HERC4: variants seen among roughly 807,000 people sequenced by gnomAD.
HERC4 encodes the protein probable E3 ubiquitin-protein ligase HERC4.
HERC4 carries 28 observed loss-of-function variants against 124.3 expected under a neutral mutation model. That is an observed-to-expected ratio of 0.23 (90% CI 0.17 to 0.31). The LOEUF is 0.31. Ranked by LOEUF, HERC4 falls within the 10% of genes least tolerant of loss-of-function variation. The pLI is 1.00. For synonymous variants in HERC4, 407 were observed against 421.5 expected, an observed-to-expected ratio of 0.97 and a Z score of 0.42; for missense variants, 713 against 1,229.3, an observed-to-expected ratio of 0.58 and a Z score of 6.28.
intron 23 of HERC4, among the ~76,000 whole-genome samples, chr10:67,926,579 A>G (rs2031001404): frequency 6.6e-6 from 1 of 152,174 alleles, no homozygotes; most frequent in Non-Finnish European, 1.5e-5. Context: ...CCCTCAGCCT[A>G]CACCACTCAG....
chr10:68,057,257 T>TA (rs1286389629), intron 3 of HERC4, among the ~76,000 whole-genome samples: 2 of 151,946 alleles, frequency 1.3e-5, no homozygotes, highest in African/African-American at 4.8e-5. Context: ...AAATGCAAAA[T>TA]AAGAGTACAG....
chr10:67,950,202 T>C (rs1322143966), intron 19 of HERC4, among the ~76,000 whole-genome samples: 2 of 152,084 alleles, frequency 1.3e-5, no homozygotes, highest in Admixed American at 6.6e-5. Flanking sequence ...ATACCTTCTC[T>C]GAGAGGGTGG....
At chr10:68,023,535 T>C (rs1419721498) in intron 8 of HERC4, among the ~76,000 whole-genome samples, 1 of 152,130 alleles carries the variant, frequency 6.6e-6, no homozygotes, top group Non-Finnish European at 1.5e-5. Context: ...AGAATGGTGG[T>C]TGCCACAAGA....
At position 67,954,826 on chromosome 10, in the gene HERC4, T is replaced by C. The variant is rs2034035715; in HGVS notation, c.2194-88A>G. On this transcript the variant is annotated intron_variant, in intron 18 of 24. Transcript: ENST00000373700. ...CCTAGAACATGTTATTTATTACTAA[T>C]ACTCTACAATTAATAGTTTAAAATA... 1.4e-5 allele frequency: 17 copies of C among 1,254,884 alleles called. No homozygotes were observed. The South Asian group carries it at 2.1e-4, about 16-fold the overall frequency. The allele number at this position is 1,254,884 out of a possible 1,614,324, so 77.7% of individuals were successfully genotyped here.
intron 3 of HERC4, among the ~76,000 whole-genome samples, chr10:68,051,513 T>A (rs1364708445): frequency 6.7e-6 from 1 of 150,222 alleles, no homozygotes; most frequent in Non-Finnish European, 1.5e-5. Context: ...CCCAGCTAGT[T>A]TTTTTTTGGT....
chr10:67,991,175 G>T lies in HERC4; in HGVS notation c.1296C>A (p.Ser432=). The T allele has an allele frequency of 6.5e-7, 1 of 1,541,890 alleles. No individual in the cohort carries two copies. The highest frequency in any genetic ancestry group is 8.7e-7 in the Non-Finnish European group (1 of 1,143,766). The change falls in exon 12 of 25, where the codon TCC becomes TCA. Residue 432 remains serine (S), a synonymous_variant. Coordinates refer to ENST00000373700, the MANE Select transcript of HERC4 (RefSeq NM_015601.4). ...AAAAACTTCCATTTAGGCAACCAGA[G>T]GAAGAAAACGTTCCATCTATCTCAC... The part of the protein sequence containing the change: ...IANEIDGTFS[S]SGCLNGSFLA...
At chr10:68,059,462 A>ATTATG (rs1554830054) in intron 3 of HERC4, among the ~76,000 whole-genome samples, 1 of 132,896 alleles carries the variant, frequency 7.5e-6, no homozygotes, top group African/African-American at 2.8e-5. Context: ...ATATTATAAT[A>ATTATG]ATATTATATA....
chr10:67,955,027 A>G lies in HERC4; in HGVS notation c.2129T>C (p.Ile710Thr). The G allele has an allele frequency of 6.2e-7, 1 of 1,600,038 alleles. No homozygotes were observed. The highest frequency in any genetic ancestry group is 2.3e-5 in the East Asian group (1 of 43,626). ...AAGGACTTCCATTGCATCTCCTACA[A>G]TATTTTCTCTACGCACCACTAGAAT... ...CLILVVRREN[I>T]VGDAMEVLRK... Residue 710 changes from isoleucine (I) to threonine (T), a missense_variant, in exon 18 of 25, where the codon ATT becomes ACT. Physicochemically the swap from Ile to Thr is moderately conservative, Grantham distance 89 (BLOSUM62 -1). Transcript: ENST00000373700.
At chr10:67,938,365 T>C (rs926147149) in intron 21 of HERC4, among the ~76,000 whole-genome samples, 3 of 148,722 alleles carry the variant, frequency 2.0e-5, no homozygotes, top group Non-Finnish European at 3.0e-5. Flanking sequence ...TGCTTGAACC[T>C]GGGAGGCGGA....
intron 5 of HERC4, among the ~76,000 whole-genome samples, chr10:68,034,736 T>C (rs1379781137): frequency 6.6e-6 from 1 of 152,126 alleles, no homozygotes. Context: ...CTCTTTCCAG[T>C]GCTCCCCATT....
chr10:67,931,412 G>A (rs927488878), intron 23 of HERC4, among the ~76,000 whole-genome samples: 3 of 152,112 alleles, frequency 2.0e-5, no homozygotes, highest in African/African-American at 7.2e-5. Context: ...TTTCATGATG[G>A]TTTTCCTAAG....
chr10:68,062,535 C>T (rs987457748), intron 3 of HERC4, among the ~76,000 whole-genome samples: 1 of 151,744 alleles, frequency 6.6e-6, no homozygotes, highest in East Asian at 1.9e-4. Flanking sequence ...GGGCAGATCA[C>T]GAGGTCAGGA....
intron 9 of HERC4, among the ~76,000 whole-genome samples, chr10:68,001,919 T>C (rs907750709): frequency 2.0e-5 from 3 of 152,228 alleles, no homozygotes; most frequent in African/African-American, 7.2e-5. Context: ...TATTCCACTA[T>C]AGAGGTATAC....
At chr10:68,051,696 T>C (rs973530673) in intron 3 of HERC4, among the ~76,000 whole-genome samples, 30 of 148,030 alleles carry the variant, frequency 2.0e-4, no homozygotes, top group African/African-American at 6.7e-4. Flanking sequence ...CTTTTCTTTT[T>C]TTTTTTTTTT....
At chr10:68,038,236 T>C (rs1264871989) in intron 4 of HERC4, 67 bp from the exon 5 acceptor site, 1 of 737,174 alleles carries the variant, frequency 1.4e-6, no homozygotes, top group Non-Finnish European at 2.2e-6. Flanking sequence ...GAATGCTATT[T>C]ATGTTATTTA....
At chr10:67,972,975 G>A (rs1034427277) in intron 15 of HERC4, among the ~76,000 whole-genome samples, 5 of 152,112 alleles carry the variant, frequency 3.3e-5, no homozygotes, top group Non-Finnish European at 5.9e-5. Context: ...GTATTCTTAA[G>A]AGATGAAAGA....
chr10:67,925,831 G>A (rs1302032857), intron 23 of HERC4, among the ~76,000 whole-genome samples: 2 of 152,142 alleles, frequency 1.3e-5, no homozygotes, highest in Non-Finnish European at 2.9e-5. Context: ...TACTCATGGT[G>A]CTATACTGAG....
intron 19 of HERC4, among the ~76,000 whole-genome samples, chr10:67,942,753 C>T (rs563734850): frequency 6.6e-6 from 1 of 152,246 alleles, no homozygotes; most frequent in East Asian, 1.9e-4. Context: ...TCAGGTGATC[C>T]ACCCGCCTCG....
At chr10:67,977,064 C>G (rs1038557349) in intron 15 of HERC4, among the ~76,000 whole-genome samples, 2 of 152,206 alleles carry the variant, frequency 1.3e-5, no homozygotes, top group Admixed American at 6.5e-5. Flanking sequence ...TACTGAGACA[C>G]CAGCTGGGGC....
Sources: allele counts gnomAD v4.1 joint callset (sites outside exome capture counted in the v4.1 genomes callset), GRCh38; gene constraint gnomAD v4.1.1; transcripts MANE v1.5; gene names NCBI Gene and HGNC (gene_info 2026-07-23, HGNC 2026-07-21).